SDK1: variants seen among roughly 807,000 people sequenced by gnomAD.
SDK1 encodes the protein protein sidekick-1.
SDK1 carries 157 observed loss-of-function variants against 245.5 expected under a neutral mutation model. The observed-to-expected ratio is 0.64, with a 90% CI of 0.56 to 0.73. SDK1 has a LOEUF of 0.73. SDK1 is among the 30% of genes least tolerant of loss of function. The pLI, the probability that SDK1 is intolerant of heterozygous loss-of-function variation, is 0.00. For synonymous variants in SDK1, 1,647 were observed against 1,278.5 expected, an observed-to-expected ratio of 1.29 and a Z score of -6.15; for missense variants, 3,583 against 3,002.3, an observed-to-expected ratio of 1.19 and a Z score of -4.52.
chr7:4,014,987 T>C (rs1024108937), intron 16 of SDK1, among the ~76,000 whole-genome samples: 15 of 152,012 alleles, frequency 9.9e-5, no homozygotes, highest in African/African-American at 2.7e-4. Context: ...CCCAGAGAAG[T>C]TGGGTGGCTC....
At chr7:3,406,591 A>C (rs1779061566) in intron 1 of SDK1, among the ~76,000 whole-genome samples, 1 of 152,196 alleles carries the variant, frequency 6.6e-6, no homozygotes, top group East Asian at 1.9e-4. Context: ...GGATTAAGTG[A>C]AACATCATAC....
At chr7:3,545,416 C>G (rs1377093075) in intron 1 of SDK1, among the ~76,000 whole-genome samples, 1 of 152,200 alleles carries the variant, frequency 6.6e-6, no homozygotes, top group Non-Finnish European at 1.5e-5. Context: ...TGTGCAGTCA[C>G]TTCTAGCATG....
At chr7:4,080,462 A>T (rs182654971) in intron 22 of SDK1, among the ~76,000 whole-genome samples, 1 of 152,302 alleles carries the variant, frequency 6.6e-6, no homozygotes, top group Admixed American at 6.5e-5. Context: ...TGTGGTTTTC[A>T]TGACTGTACT....
At chr7:3,915,996 C>T (rs1468893267) in intron 5 of SDK1, among the ~76,000 whole-genome samples, 1 of 152,200 alleles carries the variant, frequency 6.6e-6, no homozygotes, top group Non-Finnish European at 1.5e-5. Context: ...TGGAGCAGAT[C>T]TCAATAGATG....
chr7:3,624,999 A>G (rs1782069931), intron 2 of SDK1, among the ~76,000 whole-genome samples: 1 of 152,146 alleles, frequency 6.6e-6, no homozygotes, highest in Non-Finnish European at 1.5e-5. Flanking sequence ...AGATCATGCC[A>G]TTGCACTCCA....
At chr7:3,367,676 T>G (rs1781126395) in intron 1 of SDK1, among the ~76,000 whole-genome samples, 1 of 152,186 alleles carries the variant, frequency 6.6e-6, no homozygotes, top group African/African-American at 2.4e-5. Flanking sequence ...TCTAGACCAT[T>G]TATAACTTAA....
Position 3,861,646 on chromosome 7 carries a change from G to A in SDK1, c.847+40063G>A, listed in dbSNP as rs530020312. On this transcript the variant is annotated intron_variant, in intron 5 of 44. Coordinates refer to ENST00000404826, the MANE Select transcript of SDK1 (RefSeq NM_152744.4). Reference sequence around the variant, plus strand: ...GGTGCTCATTCAAAACCTTATTTGGGGCTAACACTTCTTTATAAGCTGTCT... The same window carrying A: ...GGTGCTCATTCAAAACCTTATTTGGAGCTAACACTTCTTTATAAGCTGTCT... Among the ~76,000 whole-genome samples, 12 of 152,140 alleles carry A rather than the reference G, an allele frequency of 7.9e-5. 1 individual carries two copies. In the South Asian group the frequency reaches 2.5e-3, roughly 32 times the overall value.
intron 1 of SDK1, among the ~76,000 whole-genome samples, chr7:3,318,941 G>A (rs1291763196): frequency 6.6e-6 from 1 of 152,100 alleles, no homozygotes; most frequent in Admixed American, 6.6e-5. Context: ...GATGGTACCT[G>A]GCAGACGGGA....
At chr7:4,082,146 AG>A (rs1355733390) in intron 22 of SDK1, among the ~76,000 whole-genome samples, 4 of 151,954 alleles carry the variant, frequency 2.6e-5, no homozygotes, top group African/African-American at 9.7e-5. Flanking sequence ...CCACCTGAGG[AG>A]GGGGCGTCTG....
intron 1 of SDK1, among the ~76,000 whole-genome samples, chr7:3,446,773 T>A (rs893355698): frequency 1.3e-5 from 2 of 152,212 alleles, no homozygotes; most frequent in South Asian, 4.1e-4. Flanking sequence ...GAATAGTTAA[T>A]ATCCAGGGTA....
chr7:4,243,471 G>C (rs1029043061), intron 43 of SDK1, among the ~76,000 whole-genome samples: 64 of 152,232 alleles, frequency 4.2e-4, no homozygotes, highest in African/African-American at 1.5e-3. Context: ...AGTTTATACA[G>C]GAAAGAGGTT....
chr7:4,062,500 G>A (rs1779605321), intron 19 of SDK1, among the ~76,000 whole-genome samples: 2 of 151,982 alleles, frequency 1.3e-5, no homozygotes, highest in African/African-American at 4.8e-5. Context: ...AGGGCCAAGT[G>A]GTTTCACTGA....
intron 4 of SDK1, among the ~76,000 whole-genome samples, chr7:3,717,032 A>G (rs1785223964): frequency 6.6e-6 from 1 of 152,194 alleles, no homozygotes; most frequent in African/African-American, 2.4e-5. Flanking sequence ...TGTTAAATGT[A>G]TGTAGCAGAA....
intron 16 of SDK1, among the ~76,000 whole-genome samples, chr7:4,013,453 C>G (rs916270718): frequency 2.0e-5 from 3 of 152,204 alleles, no homozygotes; most frequent in Non-Finnish European, 4.4e-5. Context: ...TTCCTGGGCT[C>G]GTTCCAAGTG....
intron 1 of SDK1, among the ~76,000 whole-genome samples, chr7:3,336,870 ATGG>A (rs1479253878): frequency 1.3e-5 from 2 of 152,174 alleles, no homozygotes; most frequent in African/African-American, 2.4e-5. Flanking sequence ...TGTCAGGGTG[ATGG>A]TGGGGAGTGG....
intron 1 of SDK1, among the ~76,000 whole-genome samples, chr7:3,437,427 G>A (rs1273738642): frequency 6.6e-6 from 1 of 152,042 alleles, no homozygotes; most frequent in Non-Finnish European, 1.5e-5. Context: ...AAAAAAAGAT[G>A]TGAAAATTTA....
intron 2 of SDK1, among the ~76,000 whole-genome samples, chr7:3,621,152 A>G (rs1222248799): frequency 6.6e-6 from 1 of 152,146 alleles, no homozygotes; most frequent in Non-Finnish European, 1.5e-5. Context: ...GCAGCATTAT[A>G]CATTATTACC....
intron 5 of SDK1, among the ~76,000 whole-genome samples, chr7:3,867,547 G>A (rs1047053898): frequency 1.3e-5 from 2 of 152,286 alleles, no homozygotes; most frequent in African/African-American, 4.8e-5. Context: ...GGTGGCTGCA[G>A]GCAAAGAGAG....
intron 1 of SDK1, among the ~76,000 whole-genome samples, chr7:3,420,109 A>G (rs1393782397): frequency 1.3e-5 from 2 of 152,230 alleles, no homozygotes; most frequent in Admixed American, 6.5e-5. Flanking sequence ...AAAGGAAAGC[A>G]TACCCCAGAG....
Sources: gnomAD v4.1 joint callset for allele counts (sites outside exome capture counted in the v4.1 genomes callset) on GRCh38, gnomAD v4.1.1 for gene constraint, MANE v1.5 for transcripts, NCBI Gene and HGNC (gene_info 2026-07-23, HGNC 2026-07-21) for gene names.